Variants in NOL4 observed in about 807,000 individuals in gnomAD.
NOL4 encodes nucleolar protein 4.
Under a neutral mutation model 75.9 loss-of-function variants are expected in NOL4, and 17 were observed. The observed-to-expected ratio is 0.22, with a 90% CI of 0.15 to 0.34. The LOEUF (loss-of-function observed/expected upper bound fraction) is 0.34, where lower values mean the gene tolerates loss of function less well. Among genes scored for constraint, NOL4 ranks in the 10% least tolerant of loss-of-function variants. NOL4 has a pLI of 1.00. For synonymous variants in NOL4, 292 were observed against 289.9 expected (o/e 1.01, Z -0.07); for missense variants, 614 against 793.5 (o/e 0.77, Z 2.72).
chr18:34,089,537 A>G (rs893286336), intron 5 of NOL4, among the ~76,000 whole-genome samples: 24 of 152,326 alleles, frequency 1.6e-4, no homozygotes, highest in African/African-American at 5.8e-4. Flanking sequence ...ATAGTTTCTC[A>G]GTAACACTAG....
At chr18:34,103,168 T>G (rs190867021) in intron 4 of NOL4, among the ~76,000 whole-genome samples, 2 of 152,160 alleles carry the variant, frequency 1.3e-5, no homozygotes, top group East Asian at 3.9e-4. Context: ...TTAACCTCAT[T>G]TCCTGTTTTA....
At chr18:34,141,875 C>T (rs187212839) in intron 1 of NOL4, among the ~76,000 whole-genome samples, 3 of 152,264 alleles carry the variant, frequency 2.0e-5, no homozygotes, top group African/African-American at 7.2e-5. Context: ...GCAAAAGAAA[C>T]TACCATCAGA....
chr18:34,201,208 T>C (rs901987941), intron 1 of NOL4, among the ~76,000 whole-genome samples: 3 of 151,850 alleles, frequency 2.0e-5, no homozygotes, highest in Non-Finnish European at 2.9e-5. Context: ...ACTTGGAAAT[T>C]ACTTCTATAG....
intron 1 of NOL4, among the ~76,000 whole-genome samples, chr18:34,184,608 G>A (rs979361916): frequency 2.6e-5 from 4 of 152,024 alleles, no homozygotes; most frequent in Non-Finnish European, 5.9e-5. Context: ...ATCCACAAGC[G>A]ACAGAGTGAA....
At chr18:34,124,705 G>A (rs936220926) in intron 2 of NOL4, among the ~76,000 whole-genome samples, 1 of 152,070 alleles carries the variant, frequency 6.6e-6, no homozygotes, top group African/African-American at 2.4e-5. Flanking sequence ...AGGAGTTTGA[G>A]ACCAGCCTGA....
intron 8 of NOL4, among the ~76,000 whole-genome samples, chr18:33,954,537 C>CT (rs35246907): frequency 0.39 from 58,927 of 149,370 alleles, 11,818 homozygotes; most frequent in Non-Finnish European, 0.43. Flanking sequence ...TATCTGAGAA[C>CT]TTTTTTTTTT....
intron 1 of NOL4, among the ~76,000 whole-genome samples, chr18:34,205,804 C>T (rs2036083051): frequency 6.6e-6 from 1 of 152,014 alleles, no homozygotes; most frequent in East Asian, 1.9e-4. Context: ...ATGTTAAAAC[C>T]CCAGGCAAAG....
At chr18:34,075,082 A>T (rs1458402946) in intron 5 of NOL4, among the ~76,000 whole-genome samples, 1 of 152,150 alleles carries the variant, frequency 6.6e-6, no homozygotes, top group African/African-American at 2.4e-5. Flanking sequence ...AGAGTGAAAA[A>T]ATTCTTCGTA....
intron 1 of NOL4, among the ~76,000 whole-genome samples, chr18:34,206,757 C>T (rs1327973747): frequency 6.6e-6 from 1 of 151,988 alleles, no homozygotes; most frequent in Non-Finnish European, 1.5e-5. Flanking sequence ...AATTGCCCTG[C>T]GAACAAATTT....
Position 34,104,156 on chromosome 18 carries a change from T to C in NOL4, c.530A>G (p.Asn177Ser). The change falls in exon 4 of 11, where the codon AAT (asparagine) becomes AGT (serine). Residue 177 changes from asparagine (N) to serine (S), a missense_variant. Around this residue, in one of 9 missense-constraint regions of NOL4, gnomAD observed 135 missense variants for 220.4 expected, o/e 0.61. Coordinates refer to ENST00000261592, the MANE Select transcript of NOL4 (RefSeq NM_003787.5). Reference sequence around the variant, plus strand: ...GGTCACCAAAGTGGGAGGTTTTCCATTATCTGTAATAAAACATTTTTAATG... The same window carrying C: ...GGTCACCAAAGTGGGAGGTTTTCCACTATCTGTAATAAAACATTTTTAATG... Reference protein sequence around the residue: ...LNPDGTDHKDNGKPPTLVTSM... With the variant: ...LNPDGTDHKDSGKPPTLVTSM... 1 of 1,594,712 alleles carries C rather than the reference T, an allele frequency of 6.3e-7. No homozygotes were observed. The highest frequency in any genetic ancestry group is 8.6e-7 in the Non-Finnish European group (1 of 1,162,964).
At chr18:33,965,902 T>A (rs1389530115) in intron 6 of NOL4, among the ~76,000 whole-genome samples, 1 of 152,144 alleles carries the variant, frequency 6.6e-6, no homozygotes, top group Admixed American at 6.6e-5. Flanking sequence ...GAAAAAAAGT[T>A]AAAAAGTTAA....
At chr18:34,149,736 CTATTT>C (rs2081565430) in intron 1 of NOL4, among the ~76,000 whole-genome samples, 1 of 151,552 alleles carries the variant, frequency 6.6e-6, no homozygotes, top group African/African-American at 2.4e-5. Context: ...GAGAAAGCTA[CTATTT>C]TATTTTAACT....
chr18:34,222,595 T>G, intron 1 of NOL4: 1 of 435,246 alleles, frequency 2.3e-6, no homozygotes, highest in Non-Finnish European at 3.1e-6. Flanking sequence ...CGGCCGGGCT[T>G]CCAGCCTGGC....
intron 5 of NOL4, among the ~76,000 whole-genome samples, chr18:34,064,948 C>CACACACAA (rs1399137503): frequency 3.0e-4 from 18 of 59,264 alleles, no homozygotes; most frequent in African/African-American, 7.6e-4. Flanking sequence ...CACACACACA[C>CACACACAA]ACACATCATA....
At position 34,088,803 on chromosome 18, in the gene NOL4, AT is replaced by A. The variant is rs976675379; in HGVS notation, c.772+4661del. 8.2e-4 allele frequency among the ~76,000 whole-genome samples: 125 copies of A among 152,208 alleles called. 1 individual carries two copies. Among genetic ancestry groups the A allele is most frequent in the African/African-American group, 2.9e-3 (120 of 41,546 alleles). On this transcript the variant is annotated intron_variant, in intron 5 of 10. Transcript: ENST00000261592. ...TTATGCGAAGATTCAGTTTCTAAGC[AT>A]TTTTTGCCTTTATGTTTTTATTGAG...
intron 5 of NOL4, among the ~76,000 whole-genome samples, chr18:34,054,667 A>G (rs1466780111): frequency 1.3e-5 from 2 of 151,830 alleles, no homozygotes; most frequent in Non-Finnish European, 2.9e-5. Context: ...AGCAAATTAT[A>G]TCTTTTGATC....
At chr18:33,884,765 T>C (rs1319514415) in intron 9 of NOL4, among the ~76,000 whole-genome samples, 1 of 152,124 alleles carries the variant, frequency 6.6e-6, no homozygotes, top group African/African-American at 2.4e-5. Flanking sequence ...ATACATTTTT[T>C]GTGGCCCCAA....
chr18:33,952,256 C>T (rs2069287985), intron 8 of NOL4, among the ~76,000 whole-genome samples: 1 of 152,072 alleles, frequency 6.6e-6, no homozygotes, highest in Admixed American at 6.6e-5. Context: ...AATATATTGG[C>T]TATATTCTTT....
intron 6 of NOL4, among the ~76,000 whole-genome samples, chr18:33,958,687 T>C (rs752840971): frequency 1.2e-4 from 18 of 152,318 alleles, no homozygotes; most frequent in Admixed American, 2.6e-4. Context: ...AACTTAGCTA[T>C]GCAAGAGCAA....
Sources: allele counts gnomAD v4.1 joint callset (sites outside exome capture counted in the v4.1 genomes callset), GRCh38; gene constraint gnomAD v4.1.1; regional missense constraint gnomAD v4.1.1; transcripts MANE v1.5; gene names NCBI Gene and HGNC (gene_info 2026-07-23, HGNC 2026-07-21).